CCDC172: variants seen among roughly 807,000 people sequenced by gnomAD.
CCDC172 encodes the protein coiled-coil domain-containing protein 172.
CCDC172 carries 30 observed loss-of-function variants against 38.0 expected under a neutral mutation model. The observed-to-expected ratio is 0.79, with a 90% CI of 0.59 to 1.07. CCDC172 has a LOEUF of 1.07. Among genes scored for constraint, CCDC172 ranks in the 50% least tolerant of loss-of-function variants. The pLI is 0.00. For missense variants in CCDC172, 297 were observed against 290.1 expected (o/e 1.02, Z -0.17); for synonymous variants, 78 against 88.3 (o/e 0.88, Z 0.66).
At chr10:116,328,124 AT>A (rs1008803777) in intron 3 of CCDC172, among the ~76,000 whole-genome samples, 2 of 151,858 alleles carry the variant, frequency 1.3e-5, no homozygotes, top group Non-Finnish European at 1.5e-5. Flanking sequence ...TACAGTATTC[AT>A]TTTTTTTCTT....
At chr10:116,354,733 AAAT>A (rs1287050807) in intron 5 of CCDC172, among the ~76,000 whole-genome samples, 1 of 152,194 alleles carries the variant, frequency 6.6e-6, no homozygotes, top group Non-Finnish European at 1.5e-5. Context: ...CTGTCTCAAA[AAAT>A]AATAATAGTA....
At chr10:116,348,886 C>G (rs138479894) in intron 5 of CCDC172, among the ~76,000 whole-genome samples, 1 of 152,102 alleles carries the variant, frequency 6.6e-6, no homozygotes, top group Non-Finnish European at 1.5e-5. Flanking sequence ...TTGTGGGTCC[C>G]CAACCCCTGG....
chr10:116,332,529 G>C (rs1844676805), intron 3 of CCDC172, among the ~76,000 whole-genome samples: 1 of 152,036 alleles, frequency 6.6e-6, no homozygotes, highest in South Asian at 2.1e-4. Flanking sequence ...AAACTTGTCT[G>C]TACAGAATTA....
Position 116,343,685 on chromosome 10 carries a change from T to C in CCDC172, c.448+1484T>C, listed in dbSNP as rs1844828926. Among the ~76,000 whole-genome samples the C allele has an allele frequency of 2.0e-5, 3 of 152,146 alleles. No homozygotes were observed. The South Asian group carries it at 6.2e-4, about 32-fold the overall frequency. ...ATGTAAATACAGTGCTCTTAAAAACTTTGTGGGTCTCACGTGAATCCTACT... is the reference window on the plus strand; with the variant it reads ...ATGTAAATACAGTGCTCTTAAAAACCTTGTGGGTCTCACGTGAATCCTACT... On this transcript the variant is annotated intron_variant, in intron 5 of 8. Transcript: ENST00000333254.
chr10:116,339,091 G>T (rs934755025), intron 3 of CCDC172, among the ~76,000 whole-genome samples: 3 of 151,868 alleles, frequency 2.0e-5, no homozygotes, highest in Admixed American at 2.0e-4. Context: ...GTGGATCTAG[G>T]ATTTGGTAAT....
rs766439410 is a variant in CCDC172 at position 116,379,339 on chromosome 10, A to T, written c.758A>T (p.Asp253Val). Reference protein sequence around the residue: ...EFLELTLAQKDLQESK With the variant: ...EFLELTLAQKVLQESK ...TCTTTTCAGACATTGGCACAGAAAG[A>T]TCTTCAGGAAAGCAAATAACTTACA... The change falls in exon 9 of 9, where the codon GAT becomes GTT. Residue 253 changes from aspartate (D) to valine (V), a missense_variant. Asp to Val is a radical substitution (Grantham distance 152, BLOSUM62 -3). Transcript: ENST00000333254. The T allele has an allele frequency of 6.3e-7, 1 of 1,583,782 alleles. No homozygotes were observed. The highest frequency in any genetic ancestry group is 8.6e-7 in the Non-Finnish European group (1 of 1,166,366).
At chr10:116,355,950 C>G (rs1355163854) in intron 5 of CCDC172, among the ~76,000 whole-genome samples, 1 of 152,024 alleles carries the variant, frequency 6.6e-6, no homozygotes, top group Non-Finnish European at 1.5e-5. Context: ...GAATTGTATA[C>G]TTTAAAAGGA....
chr10:116,343,910 T>G (rs1363056991), intron 5 of CCDC172, among the ~76,000 whole-genome samples: 2 of 152,302 alleles, frequency 1.3e-5, no homozygotes, highest in African/African-American at 4.8e-5. Context: ...CATGCTAGAT[T>G]TAGTCTTTAT....
chr10:116,355,163 T>C (rs1844979771), intron 5 of CCDC172, among the ~76,000 whole-genome samples: 1 of 152,188 alleles, frequency 6.6e-6, no homozygotes, highest in African/African-American at 2.4e-5. Flanking sequence ...TCACCACTCA[T>C]TGACTCACTC....
At chr10:116,369,197 G>A (rs12266051) in intron 7 of CCDC172, among the ~76,000 whole-genome samples, 3 of 151,634 alleles carry the variant, frequency 2.0e-5, no homozygotes, top group Non-Finnish European at 2.9e-5. Context: ...TGTTCTTTTC[G>A]TCTAACTTTA....
chr10:116,357,808 G>C (rs1250001481), intron 6 of CCDC172, 28 bp from the exon 7 acceptor site: 6 of 1,154,148 alleles, frequency 5.2e-6, no homozygotes, highest in Non-Finnish European at 7.6e-6. Flanking sequence ...ATTTTCAAAA[G>C]ATTGCAACTA....
chr10:116,360,917 A>G (rs1845056218), intron 7 of CCDC172, among the ~76,000 whole-genome samples: 1 of 152,080 alleles, frequency 6.6e-6, no homozygotes, highest in African/African-American at 2.4e-5. Flanking sequence ...TATCTGCTAT[A>G]TCAGTAATAA....
chr10:116,364,286 A>T (rs1287519085), intron 7 of CCDC172, among the ~76,000 whole-genome samples: 1 of 152,192 alleles, frequency 6.6e-6, no homozygotes, highest in East Asian at 1.9e-4. Flanking sequence ...AGATCAAATG[A>T]TCATAATCAA....
chr10:116,327,959 C>T (rs1241875098), intron 3 of CCDC172, among the ~76,000 whole-genome samples: 2 of 151,952 alleles, frequency 1.3e-5, no homozygotes, highest in African/African-American at 4.8e-5. Context: ...CATTTATTGA[C>T]CCATTTATCA....
intron 3 of CCDC172, among the ~76,000 whole-genome samples, chr10:116,325,635 T>C (rs1374361435): frequency 1.3e-5 from 2 of 152,216 alleles, no homozygotes; most frequent in Non-Finnish European, 2.9e-5. Context: ...TTTTGTGGGA[T>C]GGTTAAGGTT....
Position 116,357,905 on chromosome 10 carries a change from G to A in CCDC172, c.620G>A (p.Ser207Asn), listed in dbSNP as rs750622899. 2 of 1,579,676 alleles carry A rather than the reference G, an allele frequency of 1.3e-6. No homozygotes were observed. The highest frequency in any genetic ancestry group is 1.2e-5 in the South Asian group (1 of 86,344). Residue 207 changes from serine (S) to asparagine (N), a missense_variant, in exon 7 of 9, where the codon AGT becomes AAT. Physicochemically the swap from Ser to Asn is conservative, Grantham distance 46. Transcript: ENST00000333254. Reference sequence around the variant, plus strand: ...CTAGAGGCAGAAAAAATAAAAATCAGTGAAAAGCCTCAAAATGATACAGAA... The same window carrying A: ...CTAGAGGCAGAAAAAATAAAAATCAATGAAAAGCCTCAAAATGATACAGAA... ...KYLEAEKIKISEKPQNDTECL... is the reference protein window; with the variant it reads ...KYLEAEKIKINEKPQNDTECL...
intron 5 of CCDC172, among the ~76,000 whole-genome samples, chr10:116,355,594 A>C (rs1007924715): frequency 3.9e-5 from 6 of 152,196 alleles, no homozygotes; most frequent in Non-Finnish European, 2.9e-5. Context: ...GAATCCAAAA[A>C]CAAAATATGG....
intron 7 of CCDC172, among the ~76,000 whole-genome samples, chr10:116,359,909 G>A (rs1845043266): frequency 6.6e-6 from 1 of 152,152 alleles, no homozygotes; most frequent in South Asian, 2.1e-4. Context: ...AATCTATCTT[G>A]ATGTTATCCA....
chr10:116,379,450 C>T lies in CCDC172; in HGVS notation c.*92C>T, dbSNP rs1172986359. Reference sequence around the variant, plus strand: ...GATATATGAATGGTACCCGTTACAACGGATCCTTGTGGGAAATATGGGGTT... The same window carrying T: ...GATATATGAATGGTACCCGTTACAATGGATCCTTGTGGGAAATATGGGGTT... On this transcript the variant is annotated 3_prime_UTR_variant, in exon 9 of 9. Transcript: ENST00000333254. 3.5e-5 allele frequency: 26 copies of T among 751,984 alleles called. No individual in the cohort carries two copies. Among genetic ancestry groups the T allele is most frequent in the Admixed American group, 1.4e-4 (5 of 35,562 alleles). 46.6% of individuals were successfully genotyped at this position (751,984 alleles called of 1,614,324 possible). A position where few individuals can be genotyped will look rare whatever the true frequency, so the allele number is the denominator to read the frequency against.
Sources: gnomAD v4.1 joint callset for allele counts (sites outside exome capture counted in the v4.1 genomes callset) on GRCh38, gnomAD v4.1.1 for gene constraint, MANE v1.5 for transcripts, NCBI Gene and HGNC (gene_info 2026-07-23, HGNC 2026-07-21) for gene names.